Variants in RANBP17 observed in about 807,000 individuals in gnomAD.
RANBP17 encodes ran-binding protein 17.
A neutral mutation model predicts 141.2 loss-of-function variants in RANBP17; 158 were observed. The observed-to-expected ratio is 1.12, with a 90% CI of 0.98 to 1.28. RANBP17 has a LOEUF of 1.28. Ranked by LOEUF, RANBP17 falls within the 50% of genes most tolerant of loss-of-function variation. The pLI, the probability that RANBP17 is intolerant of heterozygous loss-of-function variation, is 0.00. For missense variants in RANBP17, 1,438 were observed against 1,290.7 expected, an observed-to-expected ratio of 1.11 and a Z score of -1.75; for synonymous variants, 430 against 450.0, an observed-to-expected ratio of 0.96 and a Z score of 0.56.
At chr5:171,206,124 A>T (rs2127962192) in intron 20 of RANBP17, 2 of 261,420 alleles carry the variant, frequency 7.7e-6, no homozygotes, top group Middle Eastern at 2.7e-3. Flanking sequence ...GACCTTTGCC[A>T]AGGGTTAGTA....
chr5:171,096,828 CA>C (rs374081784), intron 14 of RANBP17, among the ~76,000 whole-genome samples: 10 of 152,108 alleles, frequency 6.6e-5, no homozygotes, highest in African/African-American at 2.4e-4. Context: ...CCTACTTTAT[CA>C]ACAACAACAA....
chr5:171,242,060 G>A (rs1483605310), intron 23 of RANBP17, among the ~76,000 whole-genome samples: 2 of 151,568 alleles, frequency 1.3e-5, no homozygotes, highest in African/African-American at 4.9e-5. Flanking sequence ...CTGGGCTTAA[G>A]CAATTCTCCT....
intron 14 of RANBP17, among the ~76,000 whole-genome samples, chr5:171,027,873 A>G (rs922274424): frequency 3.9e-5 from 6 of 152,076 alleles, no homozygotes; most frequent in Non-Finnish European, 7.4e-5. Context: ...TAGTTGGCCT[A>G]TTAAATTTTT....
At chr5:171,084,249 A>T (rs1294795791) in intron 14 of RANBP17, among the ~76,000 whole-genome samples, 1 of 149,944 alleles carries the variant, frequency 6.7e-6, no homozygotes, top group East Asian at 2.0e-4. Context: ...ACTGAGAATG[A>T]TGATTTCCAA....
At chr5:171,045,827 TAAAC>T (rs772048799) in intron 14 of RANBP17, among the ~76,000 whole-genome samples, 172 of 152,180 alleles carry the variant, frequency 1.1e-3, no homozygotes, top group African/African-American at 3.6e-3. Flanking sequence ...GATAAATAAA[TAAAC>T]AAACAAATAA....
At chr5:171,158,210 A>G (rs1759039379) in intron 14 of RANBP17, 1 of 172,634 alleles carries the variant, frequency 5.8e-6, no homozygotes, top group African/African-American at 2.4e-5. Context: ...TATTTTTTCA[A>G]CATTTTAAAT....
intron 25 of RANBP17, among the ~76,000 whole-genome samples, chr5:171,286,582 T>C (rs1298840471): frequency 1.3e-5 from 2 of 152,214 alleles, no homozygotes; most frequent in East Asian, 3.8e-4. Flanking sequence ...TATATGCTTA[T>C]TTATCCATTA....
intron 14 of RANBP17, among the ~76,000 whole-genome samples, chr5:171,047,172 A>G (rs1022711248): frequency 1.3e-5 from 2 of 151,714 alleles, no homozygotes; most frequent in Non-Finnish European, 2.9e-5. Context: ...GCCCACCACC[A>G]CACCCAGCTA....
intron 12 of RANBP17, among the ~76,000 whole-genome samples, chr5:170,947,132 A>G (rs1266926894): frequency 6.6e-6 from 1 of 152,040 alleles, no homozygotes; most frequent in African/African-American, 2.4e-5. Flanking sequence ...ATTATTGGAG[A>G]AGTTGCTTTA....
intron 3 of RANBP17, among the ~76,000 whole-genome samples, chr5:170,884,805 C>A (rs1769006454): frequency 6.6e-6 from 1 of 152,022 alleles, no homozygotes; most frequent in African/African-American, 2.4e-5. Flanking sequence ...AACATTTCTG[C>A]CAGATTGTCC....
intron 15 of RANBP17, 62 bp downstream of exon 15, chr5:171,170,265 TTTA>T (rs1265161230): frequency 3.8e-6 from 3 of 781,832 alleles, no homozygotes; most frequent in Non-Finnish European, 4.0e-6. Context: ...AATAGATCTT[TTTA>T]TTGTATTTAA....
At chr5:171,002,506 C>G (rs62393913) in intron 14 of RANBP17, among the ~76,000 whole-genome samples, 22,641 of 151,760 alleles carry the variant, frequency 0.15, 1,785 homozygotes, top group African/African-American at 0.18. Context: ...GTTGGAGGAC[C>G]CTTGTGTAGT....
chr5:171,083,695 C>T (rs1417222058), intron 14 of RANBP17, among the ~76,000 whole-genome samples: 2 of 152,156 alleles, frequency 1.3e-5, no homozygotes, highest in Non-Finnish European at 2.9e-5. Context: ...ATCTTGAATT[C>T]CCACATGTTG....
chr5:170,910,743 T>C (rs1771457743), intron 6 of RANBP17: 1 of 469,236 alleles, frequency 2.1e-6, no homozygotes, highest in Admixed American at 3.7e-5. Context: ...TCCTCCAACA[T>C]TCAGAGTTCT....
At chr5:171,217,781 AT>A (rs1326362786) in intron 21 of RANBP17, among the ~76,000 whole-genome samples, 1 of 150,000 alleles carries the variant, frequency 6.7e-6, no homozygotes, top group Non-Finnish European at 1.5e-5. Flanking sequence ...CATCTATTTG[AT>A]TCTTCTTCTT....
chr5:171,157,442 GCCAAATAAGGTACTGTATGTAAAGCTAAA>G (rs1416631101), intron 14 of RANBP17, among the ~76,000 whole-genome samples: 1 of 152,136 alleles, frequency 6.6e-6, no homozygotes, highest in Non-Finnish European at 1.5e-5. Flanking sequence ...TATAGGGATT[GCCAAATAAGGTACTGTATGTAAAGCTAAA>G]CCCACACTGA....
intron 18 of RANBP17, among the ~76,000 whole-genome samples, chr5:171,191,803 T>G (rs1761666559): frequency 1.3e-5 from 2 of 152,210 alleles, no homozygotes; most frequent in African/African-American, 4.8e-5. Context: ...TACTAAACTA[T>G]TACTTCATCT....
rs200098530 is a variant in RANBP17 at position 170,924,472 on chromosome 5, T to C, written c.1390T>C (p.Phe464Leu). The C allele has an allele frequency of 1.9e-6, 3 of 1,613,314 alleles. No homozygotes were observed. The highest frequency in any genetic ancestry group is 2.7e-5 in the African/African-American group (2 of 74,904). ...GACATGTGCTCTTCTTGTGCAGTTA[T>C]TCGACCAAAATGCACAGAATTACCA... is the stretch of plus-strand genomic sequence containing the variant. ...EKTCALLVQL[F>L]DQNAQNYQKL... Residue 464 changes from phenylalanine to leucine, a missense_variant, in exon 12 of 28, where the codon TTC (phenylalanine) becomes CTC (leucine). By Grantham distance (22) the Phe-to-Leu change is conservative. Coordinates refer to ENST00000523189, the MANE Select transcript of RANBP17 (RefSeq NM_022897.5).
intron 14 of RANBP17, among the ~76,000 whole-genome samples, chr5:171,050,177 A>G (rs1220934158): frequency 1.3e-5 from 2 of 152,008 alleles, no homozygotes; most frequent in African/African-American, 4.8e-5. Context: ...TGCTACCTTT[A>G]GATTACTTAA....
Sources: allele counts gnomAD v4.1 joint callset (sites outside exome capture counted in the v4.1 genomes callset), GRCh38; gene constraint gnomAD v4.1.1; transcripts MANE v1.5; gene names NCBI Gene and HGNC (gene_info 2026-07-23, HGNC 2026-07-21).